ZCCHC14: variants seen among roughly 807,000 people sequenced by gnomAD.
The protein encoded by ZCCHC14 is zinc finger CCHC-type containing 14.
ZCCHC14 carries 16 observed loss-of-function variants against 85.0 expected under a neutral mutation model. The observed-to-expected ratio is 0.19, with a 90% CI of 0.13 to 0.29. The LOEUF (loss-of-function observed/expected upper bound fraction) is 0.29. Ranked by LOEUF, ZCCHC14 falls within the 10% of genes least tolerant of loss-of-function variation. The pLI is 1.00. For synonymous variants in ZCCHC14, 775 were observed against 630.7 expected, an observed-to-expected ratio of 1.23 and a Z score of -3.43; for missense variants, 1,303 against 1,443.5, an observed-to-expected ratio of 0.90 and a Z score of 1.58.
At chr16:87,463,481 T>C (rs1911370411) in intron 1 of ZCCHC14, among the ~76,000 whole-genome samples, 1 of 152,242 alleles carries the variant, frequency 6.6e-6, no homozygotes, top group Admixed American at 6.5e-5. Context: ...TTCTAAGTCC[T>C]GGTTCTAAGA....
chr16:87,409,838 A>G lies in ZCCHC14; in HGVS notation c.*442T>C, dbSNP rs1288774381. The G allele has an allele frequency of 1.3e-5, 2 of 155,950 alleles. No individual in the cohort carries two copies. The highest frequency in any genetic ancestry group is 6.5e-5 in the Admixed American group (1 of 15,362). 9.7% of individuals were successfully genotyped at this position (155,950 alleles called of 1,614,324 possible). A position where few individuals can be genotyped will look rare whatever the true frequency, so the allele number is the denominator to read the frequency against. On this transcript the variant is annotated 3_prime_UTR_variant, in exon 13 of 13. Coordinates refer to ENST00000671377, the MANE Select transcript of ZCCHC14 (RefSeq NM_015144.3). The stretch of plus-strand genomic sequence containing the variant: ...GCTAATCACTTTAGGAACAGAACAA[A>G]ACAAAGTCGACATTTTCCCTAGCCC...
chr16:87,425,740 C>T (rs73240821), intron 3 of ZCCHC14, among the ~76,000 whole-genome samples: 4,761 of 152,248 alleles, frequency 0.031, 110 homozygotes, highest in Middle Eastern at 0.088. Context: ...AGACACAAAC[C>T]CCTGCCGTGA....
At chr16:87,470,520 G>C (rs1211335338) in intron 1 of ZCCHC14, 1 of 151,892 alleles carries the variant, frequency 6.6e-6, no homozygotes, top group African/African-American at 2.4e-5. Flanking sequence ...GATGTGATGA[G>C]CTTTTTTCCC....
At chr16:87,422,905 C>CGGGG (rs113340588) in intron 4 of ZCCHC14, among the ~76,000 whole-genome samples, 2 of 149,890 alleles carry the variant, frequency 1.3e-5, no homozygotes, top group African/African-American at 4.9e-5. Context: ...AGCAGATTCC[C>CGGGG]GGGGGGGGGT....
At chr16:87,430,966 C>A (rs1045536594) in intron 3 of ZCCHC14, among the ~76,000 whole-genome samples, 6 of 151,452 alleles carry the variant, frequency 4.0e-5, no homozygotes, top group African/African-American at 1.5e-4. Context: ...ACGGTGAAAC[C>A]CTATCTCCAC....
Position 87,411,566 on chromosome 16 carries a change from C to T in ZCCHC14, c.3155G>A (p.Gly1052Asp). 1.2e-6 allele frequency: 2 copies of T among 1,613,694 alleles called. No homozygotes were observed. The highest frequency in any genetic ancestry group is 1.7e-6 in the Non-Finnish European group (2 of 1,180,032). Residue 1052 changes from glycine to aspartate, a missense_variant, in exon 12 of 13, where the codon GGT (glycine) becomes GAT (aspartate). Around this residue, in one of 7 missense-constraint regions of ZCCHC14, gnomAD observed 797 missense variants for 730.8 expected, o/e 1.09. Coordinates refer to ENST00000671377, the MANE Select transcript of ZCCHC14 (RefSeq NM_015144.3). The part of the protein sequence containing the change: ...NLSCYNCGAT[G>D]HRAQDCKQPS... ...CTGTTTGCAGTCCTGGGCGCGGTGA[C>T]CAGTGGCCCCGCAGTTGTAACAAGA...
intron 1 of ZCCHC14, among the ~76,000 whole-genome samples, chr16:87,477,146 A>AC (rs1567542364): frequency 1.0e-5 from 1 of 99,778 alleles, no homozygotes; most frequent in African/African-American, 4.6e-5. Flanking sequence ...AAAAAACAAA[A>AC]CAAAACCAAA....
chr16:87,464,791 C>T (rs1744054681), intron 1 of ZCCHC14, among the ~76,000 whole-genome samples: 1 of 152,140 alleles, frequency 6.6e-6, no homozygotes. Context: ...CCCAGAAATG[C>T]TGTTTTGGGG....
chr16:87,415,769 C>T (rs1567510104), intron 8 of ZCCHC14, among the ~76,000 whole-genome samples: 3 of 152,162 alleles, frequency 2.0e-5, no homozygotes, highest in East Asian at 3.8e-4. Flanking sequence ...TTTGAATCAC[C>T]GTGGAGATGC....
intron 1 of ZCCHC14, among the ~76,000 whole-genome samples, chr16:87,487,168 T>A (rs1230191738): frequency 6.6e-6 from 1 of 152,210 alleles, no homozygotes; most frequent in African/African-American, 2.4e-5. Flanking sequence ...GTTTCCACAG[T>A]GCTTATCCTC....
At chr16:87,439,899 A>G (rs1363397958) in intron 2 of ZCCHC14, among the ~76,000 whole-genome samples, 2 of 152,264 alleles carry the variant, frequency 1.3e-5, no homozygotes, top group Non-Finnish European at 2.9e-5. Flanking sequence ...GTCTACCAGC[A>G]GCTCTCTACA....
chr16:87,476,138 AC>A (rs1911995619), intron 1 of ZCCHC14, among the ~76,000 whole-genome samples: 1 of 152,194 alleles, frequency 6.6e-6, no homozygotes, highest in African/African-American at 2.4e-5. Context: ...CTTCAATAGC[AC>A]GGGTGAAAGC....
At chr16:87,418,767 G>T in intron 7 of ZCCHC14, 80 bp downstream of exon 7, 1 of 1,404,868 alleles carries the variant, frequency 7.1e-7, no homozygotes, top group Non-Finnish European at 1.0e-6. Context: ...TTAATTCTTG[G>T]AACAACTTTA....
chr16:87,485,731 C>T (rs1367975094), intron 1 of ZCCHC14, among the ~76,000 whole-genome samples: 1 of 152,012 alleles, frequency 6.6e-6, no homozygotes, highest in Non-Finnish European at 1.5e-5. Context: ...ACAAAGATGC[C>T]CCAGCGCGAG....
intron 1 of ZCCHC14, among the ~76,000 whole-genome samples, chr16:87,484,625 C>G (rs1335437413): frequency 2.0e-5 from 3 of 152,214 alleles, no homozygotes; most frequent in Non-Finnish European, 4.4e-5. Context: ...ACACACCAAC[C>G]TATTCGCGGG....
intron 12 of ZCCHC14, among the ~76,000 whole-genome samples, chr16:87,410,729 C>T (rs1009592050): frequency 3.3e-5 from 5 of 152,174 alleles, no homozygotes; most frequent in Admixed American, 1.3e-4. Context: ...CACCCGGGCC[C>T]GCATGGCAGA....
chr16:87,469,744 C>T (rs1163816469), intron 1 of ZCCHC14, among the ~76,000 whole-genome samples: 1 of 152,118 alleles, frequency 6.6e-6, no homozygotes, highest in South Asian at 2.1e-4. Flanking sequence ...AGGAGGGGCA[C>T]CGGCAACTGG....
At chr16:87,419,661 C>G (rs577980077) in intron 6 of ZCCHC14, 122 bp downstream of exon 6, 2 of 746,568 alleles carry the variant, frequency 2.7e-6, no homozygotes, top group East Asian at 3.3e-5. Context: ...GTCTTGAACT[C>G]CCAACCTCAG....
intron 2 of ZCCHC14, among the ~76,000 whole-genome samples, chr16:87,454,085 C>T (rs1238616205): frequency 6.6e-5 from 10 of 151,898 alleles, no homozygotes; most frequent in Admixed American, 6.6e-4. Context: ...AGCTTGAAGA[C>T]AGATAAAAAG....
Sources: gnomAD v4.1 joint callset for allele counts (sites outside exome capture counted in the v4.1 genomes callset) on GRCh38, gnomAD v4.1.1 for gene constraint, gnomAD v4.1.1 regional missense constraint, MANE v1.5 for transcripts, NCBI Gene and HGNC (gene_info 2026-07-23, HGNC 2026-07-21) for gene names.